GPC5: variants seen among roughly 807,000 people sequenced by gnomAD.
GPC5 encodes glypican 5, also known as glypican-5.
In GPC5, 47 loss-of-function variants were observed where a neutral mutation model predicts 53.9. That is an observed-to-expected ratio of 0.87 (90% CI 0.69 to 1.11). GPC5 has a LOEUF of 1.11. Among genes scored for constraint, GPC5 ranks in the 50% most tolerant of loss-of-function variants. GPC5 has a pLI of 0.00. For missense variants in GPC5, 748 were observed against 713.1 expected, an observed-to-expected ratio of 1.05 and a Z score of -0.56; for synonymous variants, 286 against 263.3, an observed-to-expected ratio of 1.09 and a Z score of -0.84.
At chr13:92,652,702 T>C (rs961617651) in intron 7 of GPC5, among the ~76,000 whole-genome samples, 1 of 152,182 alleles carries the variant, frequency 6.6e-6, no homozygotes, top group African/African-American at 2.4e-5. Flanking sequence ...TGATACATAA[T>C]ACATTTTAAT....
chr13:91,960,159 C>T (rs1352169338), intron 6 of GPC5, among the ~76,000 whole-genome samples: 1 of 105,508 alleles, frequency 9.5e-6, no homozygotes, highest in Non-Finnish European at 2.0e-5. Context: ...ATAATATGAT[C>T]TTATTCTAAA....
At position 92,364,802 on chromosome 13, in the gene GPC5, C is replaced by T. The variant is rs187256344; in HGVS notation, c.1561+219813C>T. ...ATAAAAGGCATTTTTATCTTTTCCA[C>T]CTTTCCAATAAAGGATTTAGCATTG... On this transcript the variant is annotated intron_variant, in intron 7 of 7. Transcript: ENST00000377067. Among the ~76,000 whole-genome samples the T allele has an allele frequency of 6.6e-4, 100 of 151,854 alleles. 4 individuals carry two copies. The East Asian group carries it at 0.019, about 28-fold the overall frequency.
At chr13:92,843,614 C>T (rs1878504158) in intron 7 of GPC5, among the ~76,000 whole-genome samples, 2 of 152,064 alleles carry the variant, frequency 1.3e-5, no homozygotes, top group African/African-American at 2.4e-5. Context: ...AAAGAGCAAA[C>T]AAATCAAAAG....
At chr13:92,723,472 G>A (rs1409932969) in intron 7 of GPC5, among the ~76,000 whole-genome samples, 1 of 150,340 alleles carries the variant, frequency 6.7e-6, no homozygotes, top group Non-Finnish European at 1.5e-5. Flanking sequence ...GGCCATGTTT[G>A]ACTTTAACCA....
chr13:92,653,987 GACTTTTATCCTTCTGTGTCCC>G (rs1478407563), intron 7 of GPC5, among the ~76,000 whole-genome samples: 1 of 152,218 alleles, frequency 6.6e-6, no homozygotes, highest in African/African-American at 2.4e-5. Flanking sequence ...AAGAGAGCCT[GACTTTTATCCTTCTGTGTCCC>G]ACACTATCCC....
intron 7 of GPC5, among the ~76,000 whole-genome samples, chr13:92,495,512 C>T (rs568578032): frequency 6.6e-6 from 1 of 152,118 alleles, no homozygotes; most frequent in South Asian, 2.1e-4. Flanking sequence ...CTGCCAGTCT[C>T]GAACCACTTT....
chr13:92,481,328 C>T (rs112656226), intron 7 of GPC5, among the ~76,000 whole-genome samples: 14,358 of 152,068 alleles, frequency 0.094, 802 homozygotes, highest in Non-Finnish European at 0.13. Context: ...GTCTCGATCT[C>T]CTGATCTCGT....
At chr13:91,975,123 G>C (rs2040285911) in intron 6 of GPC5, among the ~76,000 whole-genome samples, 1 of 152,112 alleles carries the variant, frequency 6.6e-6, no homozygotes, top group Non-Finnish European at 1.5e-5. Flanking sequence ...ATTAATTCAA[G>C]ATGGATTAAA....
At chr13:92,511,153 C>T (rs893316949) in intron 7 of GPC5, among the ~76,000 whole-genome samples, 2 of 152,112 alleles carry the variant, frequency 1.3e-5, no homozygotes, top group Non-Finnish European at 2.9e-5. Context: ...CTTGAACAGA[C>T]TTTATTTCTG....
At chr13:92,522,061 CAAT>C (rs1223099694) in intron 7 of GPC5, among the ~76,000 whole-genome samples, 1 of 152,168 alleles carries the variant, frequency 6.6e-6, no homozygotes, top group Admixed American at 6.5e-5. Flanking sequence ...ATCAAAACTA[CAAT>C]GAGATACCAT....
At chr13:92,222,199 C>G (rs2042454379) in intron 7 of GPC5, among the ~76,000 whole-genome samples, 2 of 152,148 alleles carry the variant, frequency 1.3e-5, no homozygotes, top group African/African-American at 4.8e-5. Flanking sequence ...GACAAAAGCC[C>G]TCAGAGCACA....
chr13:91,440,361 T>C (rs1277497411), intron 1 of GPC5, among the ~76,000 whole-genome samples: 1 of 152,220 alleles, frequency 6.6e-6, no homozygotes, highest in Admixed American at 6.5e-5. Context: ...TCTTCAAGTA[T>C]ACTGACTCAT....
intron 6 of GPC5, among the ~76,000 whole-genome samples, chr13:92,004,487 T>TATATATATATATATAC: frequency 7.5e-6 from 1 of 134,176 alleles, no homozygotes; most frequent in Non-Finnish European, 1.6e-5. Context: ...TATATATATA[T>TATATATATATATATAC]ATAATTACAC....
intron 6 of GPC5, among the ~76,000 whole-genome samples, chr13:92,023,669 C>CACACACAG (rs1240735721): frequency 4.9e-5 from 5 of 102,444 alleles, no homozygotes; most frequent in Non-Finnish European, 8.6e-5. Context: ...GCTGAGGACA[C>CACACACAG]ACACACACAC....
intron 7 of GPC5, among the ~76,000 whole-genome samples, chr13:92,786,830 G>C (rs558474200): frequency 6.6e-6 from 1 of 152,084 alleles, no homozygotes; most frequent in Non-Finnish European, 1.5e-5. Context: ...AGTTACCTGT[G>C]GGGTAATGAG....
intron 6 of GPC5, among the ~76,000 whole-genome samples, chr13:92,002,230 C>G (rs1051685882): frequency 6.6e-6 from 1 of 152,044 alleles, no homozygotes; most frequent in Non-Finnish European, 1.5e-5. Flanking sequence ...AAAAAGAATG[C>G]TTCTATACAG....
chr13:92,174,752 A>T (rs1477502248), intron 7 of GPC5, among the ~76,000 whole-genome samples: 1 of 152,224 alleles, frequency 6.6e-6, no homozygotes, highest in Non-Finnish European at 1.5e-5. Flanking sequence ...TAGTGTGCAG[A>T]AGAAAAAACA....
chr13:92,064,850 A>G (rs2041155424), intron 6 of GPC5, among the ~76,000 whole-genome samples: 2 of 152,112 alleles, frequency 1.3e-5, no homozygotes, highest in African/African-American at 4.8e-5. Context: ...AGAACATATC[A>G]GGTAGAGAAG....
intron 2 of GPC5, among the ~76,000 whole-genome samples, chr13:91,609,296 A>G (rs1248927363): frequency 6.6e-6 from 1 of 151,928 alleles, no homozygotes; most frequent in Non-Finnish European, 1.5e-5. Flanking sequence ...ATGATCAGTT[A>G]GCTTCTTTTT....
Sources: gnomAD v4.1 joint callset for allele counts (sites outside exome capture counted in the v4.1 genomes callset) on GRCh38, gnomAD v4.1.1 for gene constraint, MANE v1.5 for transcripts, NCBI Gene and HGNC (gene_info 2026-07-23, HGNC 2026-07-21) for gene names.